Variants in MIOS observed in about 807,000 individuals in gnomAD.
MIOS encodes the protein GATOR2 complex protein MIOS.
A neutral mutation model predicts 96.9 loss-of-function variants in MIOS; 52 were observed. That is an observed-to-expected ratio of 0.54 (90% CI 0.43 to 0.68). The LOEUF is 0.68. Among genes scored for constraint, MIOS ranks in the 30% least tolerant of loss-of-function variants. The pLI, the probability that MIOS is intolerant of heterozygous loss-of-function variation, is 0.00. For synonymous variants in MIOS, 397 were observed against 359.5 expected, an observed-to-expected ratio of 1.10 and a Z score of -1.18; for missense variants, 1,005 against 1,052.8, an observed-to-expected ratio of 0.95 and a Z score of 0.63.
rs1783453999 is a variant in MIOS at position 7,574,241 on chromosome 7, T to G, written c.1393+45T>G. 10 of 1,439,134 alleles carry G rather than the reference T, an allele frequency of 6.9e-6. No homozygotes were observed. In the East Asian group the frequency reaches 2.1e-4, roughly 30 times the overall value. 89.1% of individuals were successfully genotyped at this position (1,439,134 alleles called of 1,614,324 possible). ...TTTTCTCCAATATGTTTATAACTTT[T>G]GTACTTTTATTTTGCCCCCTGTCAT... On this transcript the variant is annotated intron_variant, in intron 5 of 12. Coordinates refer to ENST00000340080, the MANE Select transcript of MIOS (RefSeq NM_019005.4).
intron 5 of MIOS, among the ~76,000 whole-genome samples, chr7:7,574,784 C>CT (rs202002747): frequency 0.14 from 20,883 of 146,472 alleles, 1,579 homozygotes; most frequent in East Asian, 0.28. Context: ...AAAAACCAAA[C>CT]TTTTTTTTTT....
chr7:7,586,155 CGTGTGTGTGTGTGTGTGTGTGTGTGT>C (rs10527974), intron 7 of MIOS, among the ~76,000 whole-genome samples: 1 of 149,942 alleles, frequency 6.7e-6, no homozygotes, highest in Non-Finnish European at 1.5e-5. Context: ...CACACATGCA[CGTGTGTGTGTGTGTGTGTGTGTGTGT>C]GTGTGTGTGT....
rs1057089170 is a variant in MIOS at position 7,573,501 on chromosome 7, T to C, written c.1026T>C (p.Thr342=). 3 of 1,613,992 alleles carry C rather than the reference T, an allele frequency of 1.9e-6. No homozygotes were observed. Among genetic ancestry groups the C allele is most frequent in the Non-Finnish European group, 2.5e-6 (3 of 1,179,962 alleles). Residue 342 remains threonine, a synonymous_variant, in exon 4 of 13, where the codon ACT becomes ACC. Transcript: ENST00000340080. The surrounding 1 kb of genome is among the most constrained non-coding windows in gnomAD (Gnocchi z 5.0). Reference sequence around the variant, plus strand: ...GTCAAAATCGAATGATAGTTGTAACTCCCAACCGAACAATGTCAGACTTCA... The same window carrying C: ...GTCAAAATCGAATGATAGTTGTAACCCCCAACCGAACAATGTCAGACTTCA... ...PTSQNRMIVV[T]PNRTMSDFTV...
chr7:7,572,443 A>C lies in MIOS; in HGVS notation c.-33A>C. ...ATTTTTAAACATTTTCAGTGAATGG[A>C]CCTGAGTGGACCCTTTGATCACATC... On this transcript the variant is annotated 5_prime_UTR_variant, in exon 4 of 13. Transcript: ENST00000340080. This position sits in a 1 kb window ranked among gnomAD's most constrained non-coding sequence, Gnocchi z 4.8. 1 of 1,510,586 alleles carries C rather than the reference A, an allele frequency of 6.6e-7. No homozygotes were observed. Among genetic ancestry groups the C allele is most frequent in the South Asian group, 1.2e-5 (1 of 83,244 alleles). 93.6% of individuals were successfully genotyped at this position (1,510,586 alleles called of 1,614,324 possible).
At position 7,575,439 on chromosome 7, in the gene MIOS, A is replaced by T. The variant is rs10273001; in HGVS notation, c.1393+1243A>T. Reference sequence around the variant, plus strand: ...TCCACCAAAAAAAGTAACCTTTATTATAAATAGTAAAATGAATAAGTTTAG... The same window carrying T: ...TCCACCAAAAAAAGTAACCTTTATTTTAAATAGTAAAATGAATAAGTTTAG... On this transcript the variant is annotated intron_variant, in intron 5 of 12. Transcript: ENST00000340080. 4.6e-5 allele frequency among the ~76,000 whole-genome samples: 7 copies of T among 152,164 alleles called. No homozygotes were observed. In the South Asian group the frequency reaches 1.5e-3, roughly 32 times the overall value.
Position 7,589,438 on chromosome 7 carries a change from A to G in MIOS, c.1918A>G (p.Met640Val). The G allele has an allele frequency of 6.2e-7, 1 of 1,613,638 alleles. No individual in the cohort carries two copies. The highest frequency in any genetic ancestry group is 8.5e-7 in the Non-Finnish European group (1 of 1,179,688). Residue 640 changes from methionine (M) to valine (V), a missense_variant, in exon 9 of 13, where the codon ATG (methionine) becomes GTG (valine). Coordinates refer to ENST00000340080, the MANE Select transcript of MIOS (RefSeq NM_019005.4). The part of the protein sequence containing the change: ...NRYIEKLTNE[M>V]KEAGNLEGIL... ...ATACATCGAAAAGTTGACCAATGAA[A>G]TGAAAGAGGCTGGAAATTTGGAAGG...
intron 11 of MIOS, among the ~76,000 whole-genome samples, chr7:7,597,009 A>C (rs973997883): frequency 3.9e-5 from 6 of 152,132 alleles, no homozygotes; most frequent in African/African-American, 1.2e-4. Flanking sequence ...AGCCTGAGCA[A>C]AATAGTGAGA....
At chr7:7,591,507 T>C (rs1784047861) in intron 9 of MIOS, among the ~76,000 whole-genome samples, 1 of 152,052 alleles carries the variant, frequency 6.6e-6, no homozygotes, top group Admixed American at 6.6e-5. Context: ...CTCAAACTCC[T>C]GACCTCAAGT....
chr7:7,606,095 A>G, intron 12 of MIOS, 24 bp downstream of exon 12: 1 of 1,612,648 alleles, frequency 6.2e-7, no homozygotes, highest in South Asian at 1.1e-5. Context: ...TTCTTCTTTG[A>G]TAGGCTTGGA....
chr7:7,573,633 A>T lies in MIOS; in HGVS notation c.1158A>T (p.Leu386Phe). The T allele has an allele frequency of 1.2e-6, 2 of 1,614,058 alleles. No individual in the cohort carries two copies. The highest frequency in any genetic ancestry group is 1.7e-6 in the Non-Finnish European group (2 of 1,179,942). Residue 386 changes from leucine to phenylalanine, a missense_variant, in exon 4 of 13, where the codon TTA (leucine) becomes TTT (phenylalanine). Transcript: ENST00000340080. The surrounding 1 kb of genome is among the most constrained non-coding windows in gnomAD (Gnocchi z 5.0). ...ECTEEENDNS[L>F]EKDIATKMRL... ...CGGAAGAAGAAAATGATAATTCTTT[A>T]GAAAAAGATATAGCAACGAAGATGC...
At chr7:7,599,338 G>A (rs991905504) in intron 11 of MIOS, among the ~76,000 whole-genome samples, 1 of 152,084 alleles carries the variant, frequency 6.6e-6, no homozygotes, top group Non-Finnish European at 1.5e-5. Flanking sequence ...GTACATATTT[G>A]CTACTTTTTT....
Position 7,573,317 on chromosome 7 carries a change from G to A in MIOS, c.842G>A (p.Gly281Asp). 1 of 1,614,050 alleles carries A rather than the reference G, an allele frequency of 6.2e-7. No homozygotes were observed. The highest frequency in any genetic ancestry group is 8.5e-7 in the Non-Finnish European group (1 of 1,179,968). ...TKVAWCPTRT[G>D]LLATLTRDSN... is the part of the protein sequence containing the mutation. ...GTAGCATGGTGTCCCACTAGGACTGGTCTACTTGCCACTTTAACAAGGGAT... is the reference window on the plus strand; with the variant it reads ...GTAGCATGGTGTCCCACTAGGACTGATCTACTTGCCACTTTAACAAGGGAT... The change falls in exon 4 of 13, where the codon GGT becomes GAT. Residue 281 changes from glycine to aspartate, a missense_variant. Coordinates refer to ENST00000340080, the MANE Select transcript of MIOS (RefSeq NM_019005.4). This position sits in a 1 kb window ranked among gnomAD's most constrained non-coding sequence, Gnocchi z 5.0.
intron 11 of MIOS, among the ~76,000 whole-genome samples, chr7:7,597,490 A>G (rs1379593279): frequency 1.7e-5 from 1 of 60,344 alleles, no homozygotes; most frequent in African/African-American, 6.0e-5. Flanking sequence ...ATATATATAT[A>G]TATATATATA....
intron 6 of MIOS, among the ~76,000 whole-genome samples, chr7:7,584,205 C>G (rs927031040): frequency 6.6e-6 from 1 of 151,796 alleles, no homozygotes; most frequent in Non-Finnish European, 1.5e-5. Flanking sequence ...TTAAAAAAGT[C>G]AATGTTTTGC....
chr7:7,604,043 A>G (rs1323434395), intron 11 of MIOS, among the ~76,000 whole-genome samples: 1 of 137,596 alleles, frequency 7.3e-6, no homozygotes, highest in Non-Finnish European at 1.5e-5. Flanking sequence ...TAAGGGGAAC[A>G]TTACACATCG....
intron 11 of MIOS, among the ~76,000 whole-genome samples, chr7:7,597,814 G>A (rs889507982): frequency 6.6e-6 from 1 of 151,786 alleles, no homozygotes; most frequent in African/African-American, 2.4e-5. Context: ...CTGGGCTCAG[G>A]TGATCCTCCC....
In MIOS at chr7:7,583,296, T is replaced by G. The variant is rs780862903; in HGVS notation, c.1572T>G (p.Ala524=). 1.2e-6 allele frequency: 2 copies of G among 1,614,088 alleles called. No individual in the cohort carries two copies. The highest frequency in any genetic ancestry group is 4.5e-5 in the East Asian group (2 of 44,856). The change falls in exon 6 of 13, where the codon GCT becomes GCG. Residue 524 remains alanine (A), a synonymous_variant. Transcript: ENST00000340080. ...TACAAGAAGGGGAATGGGAAAGAGC[T>G]GCTGCTGTGGCATTGTTCAACTTGG... ...SLVQEGEWER[A]AAVALFNLDI...
chr7:7,578,084 A>G (rs1411201883), intron 5 of MIOS, among the ~76,000 whole-genome samples: 1 of 152,198 alleles, frequency 6.6e-6, no homozygotes, highest in African/African-American at 2.4e-5. Context: ...GTTAGAAAGT[A>G]GGTCTTTTGG....
rs1480783224 is a variant in MIOS, at chr7:7,572,736, T to C, written c.261T>C (p.Val87=). The C allele has an allele frequency of 6.2e-7, 1 of 1,614,184 alleles. No homozygotes were observed. Among genetic ancestry groups the C allele is most frequent in the South Asian group, 1.1e-5 (1 of 91,080 alleles). The change falls in exon 4 of 13, where the codon GTT becomes GTC. Residue 87 remains valine, a synonymous_variant. Transcript: ENST00000340080. This position sits in a 1 kb window ranked among gnomAD's most constrained non-coding sequence, Gnocchi z 4.8. Reference sequence around the variant, plus strand: ...CAGTTGGACAAGCAAATGGTCGAGTTGTACTTACAAGCCTTGGTCAAGATC... The same window carrying C: ...CAGTTGGACAAGCAAATGGTCGAGTCGTACTTACAAGCCTTGGTCAAGATC... The part of the protein sequence containing the change: ...LLAVGQANGR[V]VLTSLGQDHN...
Sources: allele counts gnomAD v4.1 joint callset (sites outside exome capture counted in the v4.1 genomes callset), GRCh38; gene constraint gnomAD v4.1.1; non-coding constraint Gnocchi (gnomAD v3.1); transcripts MANE v1.5; gene names NCBI Gene and HGNC (gene_info 2026-07-23, HGNC 2026-07-21).